Variants in DIAPH2 observed in about 807,000 individuals in gnomAD.
The protein encoded by DIAPH2 is diaphanous related formin 2.
A neutral mutation model predicts 92.7 loss-of-function variants in DIAPH2; 35 were observed. The ratio of observed to expected loss-of-function variants is 0.38; its 90% confidence interval spans 0.29 to 0.50. The LOEUF (loss-of-function observed/expected upper bound fraction) is 0.50, where lower values mean the gene tolerates loss of function less well. Among genes scored for constraint, DIAPH2 ranks in the 20% least tolerant of loss-of-function variants. The pLI is 0.94. For synonymous variants in DIAPH2, 301 were observed against 280.4 expected (o/e 1.07, Z -0.73); for missense variants, 701 against 819.5 (o/e 0.86, Z 1.77).
intron 26 of DIAPH2, among the ~76,000 whole-genome samples, chrX:97,433,374 A>C (rs1216277069): frequency 9.1e-6 from 1 of 110,278 alleles, no homozygotes; most frequent in Non-Finnish European, 1.9e-5. Flanking sequence ...AAATTAGCCA[A>C]GCATGGTGGC....
intron 12 of DIAPH2, among the ~76,000 whole-genome samples, 180 bp downstream of exon 12, chrX:96,939,562 A>ATGTGTGTGTGTGTG (rs1569431126): frequency 8.0e-5 from 6 of 74,886 alleles, no homozygotes; most frequent in African/African-American, 2.4e-4. Flanking sequence ...ATGTATATAT[A>ATGTGTGTGTGTGTG]TATATGTGTG....
chrX:96,775,353 TTGTGTGTGTG>T (rs60441028), intron 4 of DIAPH2, among the ~76,000 whole-genome samples: 206 of 89,381 alleles, frequency 2.3e-3, no homozygotes, highest in Middle Eastern at 0.012. Flanking sequence ...CAACGTGTGC[TTGTGTGTGTG>T]TGTGTGTGTG....
chrX:96,692,779 T>G (rs1288860616), intron 1 of DIAPH2, among the ~76,000 whole-genome samples: 3 of 112,363 alleles, frequency 2.7e-5, no homozygotes, highest in Non-Finnish European at 3.8e-5. Flanking sequence ...AGGAAAATTA[T>G]TCTTCATTTC....
intron 24 of DIAPH2, among the ~76,000 whole-genome samples, chrX:97,352,726 CG>C (rs2069228838): frequency 9.4e-6 from 1 of 106,339 alleles, no homozygotes; most frequent in Non-Finnish European, 2.0e-5. Context: ...AAAAATTAGC[CG>C]GGCATGGTGG....
chrX:96,870,360 C>T (rs1012691857), intron 4 of DIAPH2, among the ~76,000 whole-genome samples: 2 of 109,725 alleles, frequency 1.8e-5, no homozygotes, highest in African/African-American at 6.6e-5. Context: ...CTCCGGGGTT[C>T]ACGCCATTCT....
chrX:97,271,813 G>GCACC (rs2068388855), intron 23 of DIAPH2, among the ~76,000 whole-genome samples: 2 of 91,541 alleles, frequency 2.2e-5, no homozygotes, highest in Non-Finnish European at 4.3e-5. Flanking sequence ...ATATATATAT[G>GCACC]CACACACACA....
intron 22 of DIAPH2, among the ~76,000 whole-genome samples, chrX:97,227,866 GT>G (rs1388322388): frequency 9.0e-6 from 1 of 111,471 alleles, no homozygotes; most frequent in African/African-American, 3.3e-5. Flanking sequence ...AAAAATCCAA[GT>G]TATTTGTAGG....
chrX:97,192,189 G>T (rs1302371452), intron 22 of DIAPH2, among the ~76,000 whole-genome samples: 1 of 106,850 alleles, frequency 9.4e-6, no homozygotes, highest in Non-Finnish European at 1.9e-5. Flanking sequence ...AGCTACTTGG[G>T]AGGCTGAGGC....
At chrX:97,302,007 G>A (rs1420255945) in intron 23 of DIAPH2, among the ~76,000 whole-genome samples, 1 of 108,608 alleles carries the variant, frequency 9.2e-6, no homozygotes, top group African/African-American at 3.4e-5. Flanking sequence ...AAGGTCAAGA[G>A]ATCGAGAACA....
At chrX:96,689,670 A>T (rs2063789282) in intron 1 of DIAPH2, among the ~76,000 whole-genome samples, 1 of 110,367 alleles carries the variant, frequency 9.1e-6, no homozygotes, top group Admixed American at 9.7e-5. Context: ...AGCCCAGCTC[A>T]TGTCTCAATA....
At chrX:97,374,090 GGCCTCACT>G (rs1487856632) in intron 24 of DIAPH2, among the ~76,000 whole-genome samples, 1 of 109,595 alleles carries the variant, frequency 9.1e-6, no homozygotes, top group Non-Finnish European at 1.9e-5. Context: ...AGGAATAGAT[GGCCTCACT>G]GCCAGAAAAA....
chrX:97,073,988 T>A (rs1328285988), intron 18 of DIAPH2, among the ~76,000 whole-genome samples: 1 of 112,068 alleles, frequency 8.9e-6, no homozygotes, highest in Non-Finnish European at 1.9e-5. Context: ...ATTGTGGAGA[T>A]CTCATTTGGT....
intron 24 of DIAPH2, among the ~76,000 whole-genome samples, chrX:97,368,281 C>T (rs960330635): frequency 1.3e-4 from 14 of 111,970 alleles, no homozygotes; most frequent in Non-Finnish European, 2.6e-4. Flanking sequence ...CACTTCATGT[C>T]TATGGATATA....
At chrX:97,110,755 G>T (rs774632151) in intron 20 of DIAPH2, among the ~76,000 whole-genome samples, 1 of 110,939 alleles carries the variant, frequency 9.0e-6, no homozygotes, top group African/African-American at 3.3e-5. Flanking sequence ...AGGCTGAGGC[G>T]GGTGGATCAC....
intron 1 of DIAPH2, among the ~76,000 whole-genome samples, chrX:96,722,959 T>A (rs940375756): frequency 7.1e-5 from 8 of 112,065 alleles, no homozygotes; most frequent in Non-Finnish European, 1.5e-4. Context: ...GTTATGTTTG[T>A]AGCTTTGAGT....
chrX:97,539,705 G>C (rs2071125088), intron 26 of DIAPH2, among the ~76,000 whole-genome samples: 1 of 111,521 alleles, frequency 9.0e-6, no homozygotes, highest in Non-Finnish European at 1.9e-5. Context: ...ATAGTCTTTT[G>C]ATAGATATAA....
chrX:96,860,710 A>T (rs1282046041), intron 4 of DIAPH2, among the ~76,000 whole-genome samples: 4 of 111,850 alleles, frequency 3.6e-5, no homozygotes. Context: ...GCAATGCTTA[A>T]TTATGAGCCA....
intron 4 of DIAPH2, among the ~76,000 whole-genome samples, chrX:96,765,470 A>G (rs1245756647): frequency 1.8e-5 from 2 of 111,432 alleles, no homozygotes; most frequent in Non-Finnish European, 3.8e-5. Context: ...AAGTGCTGAG[A>G]TTACAGGCGT....
chrX:97,579,999 G>A (rs1255733765), intron 26 of DIAPH2, among the ~76,000 whole-genome samples: 4 of 111,101 alleles, frequency 3.6e-5, no homozygotes, highest in Non-Finnish European at 5.7e-5. Context: ...GAATGCTTGT[G>A]ATTTTTGCAC....
Sources: allele counts gnomAD v4.1 joint callset (sites outside exome capture counted in the v4.1 genomes callset), GRCh38; gene constraint gnomAD v4.1.1; transcripts MANE v1.5; gene names NCBI Gene and HGNC (gene_info 2026-07-23, HGNC 2026-07-21).